The following EML6 variants were observed in gnomAD, a reference collection of about 807,000 sequenced individuals.
EML6 encodes the protein echinoderm microtubule-associated protein-like 6.
EML6 carries 154 observed loss-of-function variants against 240.1 expected under a neutral mutation model. The ratio of observed to expected loss-of-function variants is 0.64; its 90% CI spans 0.56 to 0.73. The LOEUF is 0.73. EML6 is among the 30% of genes least tolerant of loss of function. The probability of loss-of-function intolerance (pLI) is 0.00; values close to 1 mark genes in which losing one functional copy is unlikely to be tolerated. For synonymous variants in EML6, 1,148 were observed against 899.0 expected (o/e 1.28, Z -4.95); for missense variants, 2,964 against 2,474.6 (o/e 1.20, Z -4.20).
chr2:54,815,388 T>C (rs937094421), intron 3 of EML6, among the ~76,000 whole-genome samples: 4 of 152,136 alleles, frequency 2.6e-5, no homozygotes, highest in African/African-American at 7.2e-5. Flanking sequence ...TATTTAGAAA[T>C]GACAAATGGT....
rs1326602853 is a variant in EML6 at position 54,899,768 on chromosome 2, G to A, written c.3110G>A (p.Arg1037Gln). The A allele has an allele frequency of 7.1e-6, 11 of 1,549,536 alleles. No homozygotes were observed. Among genetic ancestry groups the A allele is most frequent in the East Asian group, 2.4e-5 (1 of 40,856 alleles). ...LSAQHRMLAV[R>Q]KLKKGGRCCA... is the part of the protein sequence containing the mutation. ...GCCCAGCACCGTATGCTGGCAGTAC[G>A]GAAACTCAAAAAAGGTACATAACAC... The change falls in exon 22 of 42, where the codon CGG becomes CAG. Residue 1037 changes from arginine (R) to glutamine (Q), a missense_variant. Transcript: ENST00000356458.
At chr2:54,849,409 A>G (rs1012260986) in intron 9 of EML6, among the ~76,000 whole-genome samples, 1 of 152,188 alleles carries the variant, frequency 6.6e-6, no homozygotes, top group Non-Finnish European at 1.5e-5. Context: ...ACTTCTCTTC[A>G]TCACAAATAT....
chr2:54,919,018 C>T (rs562129393), intron 26 of EML6, among the ~76,000 whole-genome samples: 6 of 152,264 alleles, frequency 3.9e-5, no homozygotes, highest in South Asian at 4.1e-4. Flanking sequence ...ATACAAGAAC[C>T]GCTTTGTGTT....
chr2:54,952,173 C>T (rs1355647041), intron 30 of EML6, among the ~76,000 whole-genome samples: 1 of 152,136 alleles, frequency 6.6e-6, no homozygotes, highest in East Asian at 1.9e-4. Flanking sequence ...TACCATTTTG[C>T]TCAGTAAAGC....
chr2:54,864,842 G>A (rs1670882444), intron 13 of EML6, among the ~76,000 whole-genome samples: 1 of 152,154 alleles, frequency 6.6e-6, no homozygotes, highest in South Asian at 2.1e-4. Context: ...ATATTTTTCA[G>A]CCCATAATCA....
chr2:54,940,200 G>A (rs1280729885), intron 28 of EML6, among the ~76,000 whole-genome samples: 1 of 152,176 alleles, frequency 6.6e-6, no homozygotes, highest in African/African-American at 2.4e-5. Flanking sequence ...ATTTTTATTA[G>A]ACTGTGCTTA....
intron 2 of EML6, among the ~76,000 whole-genome samples, chr2:54,737,875 A>G (rs1178299375): frequency 6.6e-6 from 1 of 152,050 alleles, no homozygotes; most frequent in African/African-American, 2.4e-5. Context: ...TTTTCCCTAC[A>G]TTCCTTGATC....
chr2:54,790,759 T>A (rs1258651315), intron 2 of EML6, among the ~76,000 whole-genome samples: 1 of 141,304 alleles, frequency 7.1e-6, no homozygotes, highest in Admixed American at 7.8e-5. Flanking sequence ...GGAGTTACGC[T>A]CTGTCGCCCA....
intron 21 of EML6, among the ~76,000 whole-genome samples, chr2:54,897,517 G>C (rs1337865332): frequency 6.6e-6 from 1 of 152,180 alleles, no homozygotes; most frequent in Non-Finnish European, 1.5e-5. Context: ...GCAGAGCTGG[G>C]ATTCCAACCA....
At chr2:54,952,524 G>A (rs750170022) in intron 30 of EML6, 70 bp from the exon 31 acceptor site, 27 of 897,878 alleles carry the variant, frequency 3.0e-5, no homozygotes, top group South Asian at 1.3e-4. Context: ...GGCTCCACGC[G>A]ATGTTTTGAA....
At position 54,967,050 on chromosome 2, in the gene EML6, G is replaced by T; in HGVS notation, c.5544G>T (p.Lys1848Asn). The T allele has an allele frequency of 6.4e-7, 1 of 1,551,538 alleles. No individual in the cohort carries two copies. Among genetic ancestry groups the T allele is most frequent in the Non-Finnish European group, 8.7e-7 (1 of 1,146,892 alleles). ...AGGTGCATGAGGTCCCCCTGGGGAA[G>T]CAGGTAACTGAAGCCGTGGTCATTG... The part of the protein sequence containing the change: ...KRQVHEVPLG[K>N]QVTEAVVIEK... The change falls in exon 39 of 42, where the codon AAG becomes AAT. Residue 1848 changes from lysine to asparagine, a missense_variant. Transcript: ENST00000356458.
intron 16 of EML6, among the ~76,000 whole-genome samples, chr2:54,879,038 T>C (rs1482842717): frequency 6.6e-6 from 1 of 152,246 alleles, no homozygotes; most frequent in Non-Finnish European, 1.5e-5. Flanking sequence ...ATTTTTTAAG[T>C]TAAATTTAGT....
chr2:54,912,486 A>T (rs1352738880), intron 25 of EML6, among the ~76,000 whole-genome samples: 1 of 152,114 alleles, frequency 6.6e-6, no homozygotes, highest in Non-Finnish European at 1.5e-5. Flanking sequence ...GACACTGAGG[A>T]CTGGCATACA....
intron 32 of EML6, among the ~76,000 whole-genome samples, chr2:54,955,489 C>T (rs1032248542): frequency 6.6e-6 from 1 of 152,174 alleles, no homozygotes; most frequent in Non-Finnish European, 1.5e-5. Flanking sequence ...TGCGTAAAGC[C>T]CCTTCTTATG....
At chr2:54,884,825 G>A (rs1672034108) in intron 17 of EML6, among the ~76,000 whole-genome samples, 1 of 152,062 alleles carries the variant, frequency 6.6e-6, no homozygotes, top group Non-Finnish European at 1.5e-5. Context: ...GTTTTCTCTA[G>A]TCTCTCTAAA....
intron 9 of EML6, among the ~76,000 whole-genome samples, chr2:54,848,625 C>A (rs1040377158): frequency 6.6e-6 from 1 of 151,580 alleles, no homozygotes; most frequent in South Asian, 2.1e-4. Context: ...CAGGTATGAG[C>A]GACTGTTATG....
At chr2:54,844,825 A>G (rs1344799643) in intron 8 of EML6, among the ~76,000 whole-genome samples, 6 of 152,234 alleles carry the variant, frequency 3.9e-5, no homozygotes, top group Admixed American at 3.3e-4. Flanking sequence ...TGAGAGCCCA[A>G]CTGGGTAAAA....
intron 17 of EML6, chr2:54,879,902 A>G (rs2103979218): frequency 2.4e-6 from 1 of 413,462 alleles, no homozygotes; most frequent in Non-Finnish European, 4.3e-6. Flanking sequence ...TGGTCTGTGT[A>G]ATCTGTATCA....
intron 21 of EML6, 121 bp from the exon 22 acceptor site, chr2:54,899,520 T>G: frequency 2.1e-6 from 2 of 964,338 alleles, no homozygotes; most frequent in Non-Finnish European, 3.0e-6. Flanking sequence ...GCTCAAAGTG[T>G]GTTTATTCCT....
Sources: allele counts gnomAD v4.1 joint callset (sites outside exome capture counted in the v4.1 genomes callset), GRCh38; gene constraint gnomAD v4.1.1; transcripts MANE v1.5; gene names NCBI Gene and HGNC (gene_info 2026-07-23, HGNC 2026-07-21).